Variants in ZNF564 observed in about 807,000 individuals in gnomAD.
ZNF564 encodes the protein zinc finger protein 564.
ZNF564 carries 5 observed loss-of-function variants against 10.5 expected under a neutral mutation model. The ratio of observed to expected loss-of-function variants is 0.48; its 90% CI spans 0.25 to 1.00. The LOEUF (loss-of-function observed/expected upper bound fraction) is 1.00, where lower values mean the gene tolerates loss of function less well. ZNF564 is among the 50% of genes least tolerant of loss of function. The pLI is 0.16. For synonymous variants in ZNF564, 242 were observed against 218.1 expected (o/e 1.11, Z -0.97); for missense variants, 603 against 669.7 (o/e 0.90, Z 1.10).
chr19:12,538,628 A>G (rs1328410111), intron 1 of ZNF564, among the ~76,000 whole-genome samples: 1 of 151,902 alleles, frequency 6.6e-6, no homozygotes, highest in Non-Finnish European at 1.5e-5. Context: ...CTGTCTAAAA[A>G]AAATAAATAA....
chr19:12,527,961 T>C, intron 3 of ZNF564, 45 bp from the exon 4 acceptor site: 1 of 1,526,414 alleles, frequency 6.6e-7, no homozygotes, highest in Non-Finnish European at 8.8e-7. Context: ...TGACTTTATA[T>C]TTATTAATAG....
intron 1 of ZNF564, among the ~76,000 whole-genome samples, chr19:12,547,597 G>A (rs1349728998): frequency 6.6e-6 from 1 of 152,076 alleles, no homozygotes; most frequent in Admixed American, 6.6e-5. Context: ...GCCTATGTGT[G>A]CATCCCCAGC....
rs2021705809 is a variant in ZNF564 at position 12,527,325 on chromosome 19, G to A, written c.783C>T (p.Ala261=). The stretch of plus-strand genomic sequence containing the variant: ...TTCGAAATAAACTGGGGCGGTCAAA[G>A]GCTTTTCCACATTCCTGACATTTAT... ...GPYKCQECGK[A]FDRPSLFRIH... The change falls in exon 4 of 4, where the codon GCC becomes GCT. Residue 261 remains alanine, a synonymous_variant. Transcript: ENST00000339282. The A allele has an allele frequency of 6.2e-7, 1 of 1,613,924 alleles. No homozygotes were observed. The highest frequency in any genetic ancestry group is 1.3e-5 in the African/African-American group (1 of 74,984).
intron 1 of ZNF564, among the ~76,000 whole-genome samples, chr19:12,544,278 G>C (rs73002318): frequency 0.021 from 3,185 of 150,326 alleles, 52 homozygotes; most frequent in Non-Finnish European, 0.033. Context: ...GACAGAGCAG[G>C]TATGGTCAGT....
chr19:12,544,696 T>C (rs969031095), intron 1 of ZNF564, among the ~76,000 whole-genome samples: 2 of 152,216 alleles, frequency 1.3e-5, no homozygotes, highest in African/African-American at 4.8e-5. Context: ...AATTCCCATC[T>C]GGTTGCTCTA....
At chr19:12,549,795 A>G (rs1375147914) in intron 1 of ZNF564, among the ~76,000 whole-genome samples, 1 of 152,162 alleles carries the variant, frequency 6.6e-6, no homozygotes, top group Admixed American at 6.5e-5. Flanking sequence ...GGAGTGACCC[A>G]GGGGTTGATA....
At position 12,527,537 on chromosome 19, in the gene ZNF564, G is replaced by A; in HGVS notation, c.571C>T (p.His191Tyr). Reference protein sequence around the residue: ...LPSVRRHMIKHTGDGPYKCQE... With the variant: ...LPSVRRHMIKYTGDGPYKCQE... The stretch of plus-strand genomic sequence containing the variant: ...CATTTATATGGTCCATCTCCAGTGT[G>A]CTTAATCATGTGTCTTCGAACACTT... The change falls in exon 4 of 4, where the codon CAC (histidine) becomes TAC (tyrosine). Residue 191 changes from histidine (H) to tyrosine (Y), a missense_variant. Coordinates refer to ENST00000339282, the MANE Select transcript of ZNF564 (RefSeq NM_144976.4). The A allele has an allele frequency of 6.2e-7, 1 of 1,614,130 alleles. No individual in the cohort carries two copies. Among genetic ancestry groups the A allele is most frequent in the Non-Finnish European group, 8.5e-7 (1 of 1,180,006 alleles).
In ZNF564 at chr19:12,525,626, T is replaced by C. The variant is rs1181511875; in HGVS notation, c.*820A>G. The C allele has an allele frequency of 6.6e-6, 1 of 152,240 alleles. No individual in the cohort carries two copies. The highest frequency in any genetic ancestry group is 2.4e-5 in the African/African-American group (1 of 41,474). The allele number at this position is 152,240 out of a possible 1,614,324, so 9.4% of individuals were successfully genotyped here. ...TTATTGGCCATCTGGGTATCTTCTT[T>C]GGAGAAATGTCTATTCAAGTCCTTT... On this transcript the variant is annotated 3_prime_UTR_variant, in exon 4 of 4. Transcript: ENST00000339282.
intron 1 of ZNF564, among the ~76,000 whole-genome samples, chr19:12,535,596 T>C (rs2021891684): frequency 6.6e-6 from 1 of 151,330 alleles, no homozygotes; most frequent in Non-Finnish European, 1.5e-5. Flanking sequence ...AAATAACACA[T>C]GTCATTAAAC....
At chr19:12,548,814 C>A (rs1328029940) in intron 1 of ZNF564, 2 of 702,696 alleles carry the variant, frequency 2.8e-6, no homozygotes, top group Non-Finnish European at 5.2e-6. Flanking sequence ...TCACCAAAGT[C>A]CAGATGAAAG....
At position 12,528,319 on chromosome 19, in the gene ZNF564, T is replaced by A; in HGVS notation, c.176A>T (p.Gln59Leu). ...DQSIEDWYKN[Q>L]GRILRNHMEE... ...TGCAAATTACCTTAAAATTCTCCCC[T>A]GATTTTTGTACCAATCTTCAATGCT... Residue 59 changes from glutamine (Q) to leucine (L), a missense_variant, in exon 3 of 4, where the codon CAG (glutamine) becomes CTG (leucine). Gln to Leu is a moderately radical substitution (Grantham distance 113). Coordinates refer to ENST00000339282, the MANE Select transcript of ZNF564 (RefSeq NM_144976.4). 6.2e-7 allele frequency: 1 copy of A among 1,609,800 alleles called. No individual in the cohort carries two copies. Among genetic ancestry groups the A allele is most frequent in the Non-Finnish European group, 8.5e-7 (1 of 1,179,080 alleles).
chr19:12,547,085 G>A (rs2022169651), intron 1 of ZNF564, among the ~76,000 whole-genome samples: 1 of 152,148 alleles, frequency 6.6e-6, no homozygotes, highest in South Asian at 2.1e-4. Context: ...GGGAAGAGGA[G>A]GGGAGACAGG....
At chr19:12,549,116 G>A (rs147762795) in intron 1 of ZNF564, among the ~76,000 whole-genome samples, 4 of 152,300 alleles carry the variant, frequency 2.6e-5, no homozygotes, top group African/African-American at 9.6e-5. Context: ...CAAATTGAAT[G>A]TAAGACTAGA....
At chr19:12,529,046 CAGAG>C (rs1220508273) in intron 1 of ZNF564, among the ~76,000 whole-genome samples, 1 of 152,152 alleles carries the variant, frequency 6.6e-6, no homozygotes, top group Non-Finnish European at 1.5e-5. Context: ...GCCTGGCTGA[CAGAG>C]AGAGACCCCA....
chr19:12,532,246 AT>A (rs35207181), intron 1 of ZNF564, among the ~76,000 whole-genome samples: 4 of 151,494 alleles, frequency 2.6e-5, no homozygotes, highest in Non-Finnish European at 5.9e-5. Flanking sequence ...AAAAAAAAAA[AT>A]TTTTTTGGCC....
At chr19:12,540,460 C>G (rs2022020131) in intron 1 of ZNF564, among the ~76,000 whole-genome samples, 1 of 152,192 alleles carries the variant, frequency 6.6e-6, no homozygotes, top group African/African-American at 2.4e-5. Context: ...TGGCTCACAT[C>G]TGTGATCCCA....
In ZNF564 at chr19:12,525,859, G is replaced by A. The variant is rs1183568196; in HGVS notation, c.*587C>T. 2 of 152,574 alleles carry A rather than the reference G, an allele frequency of 1.3e-5. No individual in the cohort carries two copies. The highest frequency in any genetic ancestry group is 2.4e-5 in the African/African-American group (1 of 41,402). 9.5% of individuals were successfully genotyped at this position (152,574 alleles called of 1,614,324 possible). On this transcript the variant is annotated 3_prime_UTR_variant, in exon 4 of 4. Transcript: ENST00000339282. Reference sequence around the variant, plus strand: ...TATCTTCTCACTGCACCCTCTCATGGTGAAGGGCAAAGCTAGCTCTCTAGG... The same window carrying A: ...TATCTTCTCACTGCACCCTCTCATGATGAAGGGCAAAGCTAGCTCTCTAGG...
chr19:12,542,774 T>A (rs1360707858), intron 1 of ZNF564, among the ~76,000 whole-genome samples: 1 of 143,466 alleles, frequency 7.0e-6, no homozygotes, highest in Non-Finnish European at 1.5e-5. Flanking sequence ...GAGGCCGAGG[T>A]GGGTGGATCA....
intron 1 of ZNF564, among the ~76,000 whole-genome samples, chr19:12,550,923 G>A (rs1442701661): frequency 6.6e-6 from 1 of 152,208 alleles, no homozygotes; most frequent in Non-Finnish European, 1.5e-5. Flanking sequence ...AGACTCGGAG[G>A]AAGACCAGTC....
Sources: allele counts gnomAD v4.1 joint callset (sites outside exome capture counted in the v4.1 genomes callset), GRCh38; gene constraint gnomAD v4.1.1; transcripts MANE v1.5; gene names NCBI Gene and HGNC (gene_info 2026-07-23, HGNC 2026-07-21).